GLI2: variants seen among roughly 807,000 people sequenced by gnomAD.
The protein encoded by GLI2 is GLI family zinc finger 2, also known as transcription activator GLI2.
GLI2 carries 22 observed loss-of-function variants against 78.9 expected under a neutral mutation model. That is an observed-to-expected ratio of 0.28 (90% CI 0.20 to 0.40). The LOEUF is 0.40. Ranked by LOEUF, GLI2 falls within the 10% of genes least tolerant of loss-of-function variation. The probability of loss-of-function intolerance (pLI) is 1.00; values close to 1 mark genes in which losing one functional copy is unlikely to be tolerated. For missense variants in GLI2, 2,097 were observed against 2,213.2 expected, an observed-to-expected ratio of 0.95 and a Z score of 1.05; for synonymous variants, 974 against 963.7, an observed-to-expected ratio of 1.01 and a Z score of -0.20.
At chr2:120,881,209 C>G (rs911380402) in intron 2 of GLI2, among the ~76,000 whole-genome samples, 6 of 152,210 alleles carry the variant, frequency 3.9e-5, no homozygotes, top group Non-Finnish European at 7.3e-5. Flanking sequence ...CTCCAAATAC[C>G]CTGTCATAGT....
chr2:120,988,938 C>A lies in GLI2; in HGVS notation c.2973C>A (p.Arg991=). Residue 991 remains arginine, a synonymous_variant, in exon 14 of 14, where the codon CGC becomes CGA. Coordinates refer to ENST00000361492, the MANE Select transcript of GLI2 (RefSeq NM_001374353.1). ...LPPCADRRGL[R]LQSHPSTDGG... ...CCTGTGCCGACAGGCGAGGCCTCCGCCTGCAGAGCCACCCGAGCACCGACG... is the reference window on the plus strand; with the variant it reads ...CCTGTGCCGACAGGCGAGGCCTCCGACTGCAGAGCCACCCGAGCACCGACG... 3.9e-6 allele frequency: 6 copies of A among 1,530,684 alleles called. No individual in the cohort carries two copies. The highest frequency in any genetic ancestry group is 5.2e-6 in the Non-Finnish European group (6 of 1,143,144). The allele number at this position is 1,530,684 out of a possible 1,614,324, so 94.8% of individuals were successfully genotyped here.
chr2:120,841,068 G>A (rs1046725623), intron 2 of GLI2, among the ~76,000 whole-genome samples: 3 of 152,136 alleles, frequency 2.0e-5, no homozygotes, highest in Non-Finnish European at 2.9e-5. Context: ...CTTGTTGATC[G>A]TATGGCTGAA....
At chr2:120,804,209 G>A (rs1684836262) in intron 2 of GLI2, among the ~76,000 whole-genome samples, 1 of 152,154 alleles carries the variant, frequency 6.6e-6, no homozygotes, top group South Asian at 2.1e-4. Flanking sequence ...CCCACCACCT[G>A]CCTTACCACA....
intron 2 of GLI2, among the ~76,000 whole-genome samples, chr2:120,864,434 T>C (rs1688034156): frequency 6.6e-6 from 1 of 152,096 alleles, no homozygotes; most frequent in Non-Finnish European, 1.5e-5. Context: ...AGGGGTCGAA[T>C]GGGGATTGGA....
At chr2:120,876,893 G>GC (rs1688777852) in intron 2 of GLI2, among the ~76,000 whole-genome samples, 2 of 152,350 alleles carry the variant, frequency 1.3e-5, no homozygotes, top group South Asian at 2.1e-4. Flanking sequence ...GTGTCCCTGT[G>GC]CTTAACTGTA....
chr2:120,884,371 GT>G (rs1166350485), intron 2 of GLI2, among the ~76,000 whole-genome samples: 3 of 152,152 alleles, frequency 2.0e-5, no homozygotes, highest in African/African-American at 7.2e-5. Flanking sequence ...TGGGTAATGG[GT>G]TTTTCATCCC....
intron 2 of GLI2, among the ~76,000 whole-genome samples, chr2:120,856,889 G>T (rs1284739924): frequency 6.6e-6 from 1 of 151,992 alleles, no homozygotes; most frequent in African/African-American, 2.4e-5. Context: ...CAGGCCTGGA[G>T]GGAGTAGCCC....
chr2:120,854,043 C>A (rs866968255), intron 2 of GLI2, among the ~76,000 whole-genome samples: 492 of 151,922 alleles, frequency 3.2e-3, no homozygotes, highest in African/African-American at 0.011. Context: ...TATTGTGTAT[C>A]GGGGCTATAG....
chr2:120,864,691 C>A (rs541771112), intron 2 of GLI2, among the ~76,000 whole-genome samples: 7 of 152,310 alleles, frequency 4.6e-5, no homozygotes, highest in Non-Finnish European at 8.8e-5. Flanking sequence ...TCGTAATCCA[C>A]CCACGTTGGC....
At chr2:120,979,003 G>T (rs1471828055) in intron 10 of GLI2, among the ~76,000 whole-genome samples, 3 of 152,130 alleles carry the variant, frequency 2.0e-5, no homozygotes, top group Admixed American at 6.5e-5. Context: ...GGGTTTTTTT[G>T]TTTGTTTGTT....
At chr2:120,802,029 C>T (rs1378149661) in intron 2 of GLI2, among the ~76,000 whole-genome samples, 1 of 152,224 alleles carries the variant, frequency 6.6e-6, no homozygotes, top group Non-Finnish European at 1.5e-5. Flanking sequence ...CCTCATGTGT[C>T]TTCATGCCTC....
chr2:120,984,834 G>A (rs1318134432), intron 12 of GLI2, 91 bp downstream of exon 12: 5 of 1,373,542 alleles, frequency 3.6e-6, no homozygotes, highest in East Asian at 2.4e-5. Flanking sequence ...TCTGCCCTAA[G>A]GCCCCCCTCT....
chr2:120,919,948 G>A (rs973832102), intron 2 of GLI2, among the ~76,000 whole-genome samples: 6 of 152,254 alleles, frequency 3.9e-5, no homozygotes, highest in South Asian at 2.1e-4. Context: ...CTGCCTCGTC[G>A]TAACACAGAC....
chr2:120,831,015 GT>G (rs1686336631), intron 2 of GLI2, among the ~76,000 whole-genome samples: 1 of 138,948 alleles, frequency 7.2e-6, no homozygotes, highest in East Asian at 2.1e-4. Flanking sequence ...TGGTCTCTTT[GT>G]TTTCCTGTCA....
At chr2:120,753,942 C>A (rs1682963058) in intron 1 of GLI2, among the ~76,000 whole-genome samples, 1 of 150,232 alleles carries the variant, frequency 6.7e-6, no homozygotes, top group African/African-American at 2.4e-5. Flanking sequence ...ACAACTATTT[C>A]CTCTGCTTCT....
At chr2:120,820,355 C>G (rs568928974) in intron 2 of GLI2, among the ~76,000 whole-genome samples, 1 of 152,348 alleles carries the variant, frequency 6.6e-6, no homozygotes, top group Admixed American at 6.5e-5. Flanking sequence ...TGTGCACTTT[C>G]ATCCAGCTGG....
Position 120,867,409 on chromosome 2 carries a change from C to T in GLI2, c.149-59952C>T, listed in dbSNP as rs191791511. ...CAGCCAGCCAGCGAGCGCTCCTAAA[C>T]CCTGGCCGCCGCCGGTTATAAATGA... On this transcript the variant is annotated intron_variant, in intron 2 of 13. Transcript: ENST00000361492. 16 of 152,442 alleles carry T rather than the reference C, an allele frequency of 1.0e-4. No individual in the cohort carries two copies. The East Asian group carries it at 3.1e-3, about 30-fold the overall frequency. The allele number at this position is 152,442 out of a possible 1,614,324, so 9.4% of individuals were successfully genotyped here.
At chr2:120,963,862 T>C (rs1047117446) in intron 5 of GLI2, among the ~76,000 whole-genome samples, 1 of 152,212 alleles carries the variant, frequency 6.6e-6, no homozygotes, top group African/African-American at 2.4e-5. Context: ...TACTTAACAC[T>C]TTAAAGTTTG....
chr2:120,753,177 A>G (rs1350041219), intron 1 of GLI2, among the ~76,000 whole-genome samples: 1 of 150,278 alleles, frequency 6.7e-6, no homozygotes, highest in South Asian at 2.1e-4. Context: ...GCTCACTGCA[A>G]CTTCTGCCTC....
Sources: gnomAD v4.1 joint callset for allele counts (sites outside exome capture counted in the v4.1 genomes callset) on GRCh38, gnomAD v4.1.1 for gene constraint, MANE v1.5 for transcripts, NCBI Gene and HGNC (gene_info 2026-07-23, HGNC 2026-07-21) for gene names.